Variants in ZNF101 observed in about 807,000 individuals in gnomAD.
The protein encoded by ZNF101 is zinc finger protein 101 (Y2).
A neutral mutation model predicts 42.6 loss-of-function variants in ZNF101; 34 were observed. The ratio of observed to expected loss-of-function variants is 0.80; its 90% CI spans 0.61 to 1.06. The LOEUF is 1.06. Ranked by LOEUF, ZNF101 falls within the 50% of genes least tolerant of loss-of-function variation. The pLI, the probability that ZNF101 is intolerant of heterozygous loss-of-function variation, is 0.00. For synonymous variants in ZNF101, 158 were observed against 183.9 expected (o/e 0.86, Z 1.14); for missense variants, 466 against 530.9 (o/e 0.88, Z 1.20).
intron 1 of ZNF101, among the ~76,000 whole-genome samples, chr19:19,670,848 G>A (rs551568550): frequency 2.2e-4 from 34 of 152,232 alleles, no homozygotes; most frequent in Middle Eastern, 3.4e-3. Context: ...GCTCACGCCT[G>A]TAATCCCAAC....
intron 1 of ZNF101, among the ~76,000 whole-genome samples, chr19:19,673,554 T>C (rs1289652348): frequency 6.6e-6 from 1 of 151,988 alleles, no homozygotes; most frequent in African/African-American, 2.4e-5. Context: ...GGCCAAATAA[T>C]GTAAAGTCTT....
At chr19:19,676,697 G>A (rs1283857833) in intron 1 of ZNF101, 4 of 151,210 alleles carry the variant, frequency 2.6e-5, no homozygotes, top group Admixed American at 1.3e-4. Context: ...GCAGTGGCAT[G>A]ATCTCAGCTG....
At chr19:19,678,878 A>T (rs1599453814) in intron 3 of ZNF101, 92 bp downstream of exon 3, 1 of 1,180,588 alleles carries the variant, frequency 8.5e-7, no homozygotes, top group East Asian at 2.5e-5. Context: ...AAATAAGTAC[A>T]ATGTTAGGTT....
intron 1 of ZNF101, chr19:19,672,098 ATGTATGATTATATATATATTTATAAGT>A (rs2062174198): frequency 6.8e-6 from 1 of 147,814 alleles, no homozygotes; most frequent in African/African-American, 2.5e-5. Flanking sequence ...TATAAATTAT[ATGTATGATTATATATATATTTATAAGT>A]TGTATGATTA....
rs754107604 is a variant in ZNF101, at chr19:19,679,178, T to C, written c.192-3T>C. On this transcript the variant is annotated splice_region_variant and splice_polypyrimidine_tract_variant and intron_variant, in intron 3 of 3. Coordinates refer to ENST00000592502, the MANE Select transcript of ZNF101 (RefSeq NM_033204.4). ...TTGATAATGCGTTTGTCATTTTTCA[T>C]AGAAGTCTGGTGGAGAGACTCTGTG... 6 of 1,608,686 alleles carry C rather than the reference T, an allele frequency of 3.7e-6. No homozygotes were observed. In the South Asian group the frequency reaches 5.5e-5, roughly 15 times the overall value.
chr19:19,670,979 G>T (rs1030769577), intron 1 of ZNF101, among the ~76,000 whole-genome samples: 1 of 152,192 alleles, frequency 6.6e-6, no homozygotes, highest in Non-Finnish European at 1.5e-5. Flanking sequence ...GGTGGCGAGC[G>T]CCTGTAGTCC....
chr19:19,672,571 G>T (rs1482630242), intron 1 of ZNF101, among the ~76,000 whole-genome samples: 1 of 151,858 alleles, frequency 6.6e-6, no homozygotes, highest in Admixed American at 6.6e-5. Context: ...TGTTGCCCAG[G>T]CTGGAGTGCG....
At chr19:19,677,730 T>TAAGAG in intron 1 of ZNF101, 134 bp from the exon 2 acceptor site, 8 of 1,340,684 alleles carry the variant, frequency 6.0e-6, no homozygotes, top group Non-Finnish European at 8.0e-6. Context: ...TGCGTGTAGA[T>TAAGAG]AGGAGGAGGC....
chr19:19,678,725 G>A lies in ZNF101; in HGVS notation c.131-1G>A. On this transcript the variant is annotated splice_acceptor_variant, in intron 2 of 3. Transcript: ENST00000592502. LOFTEE classifies it high-confidence loss of function. ...ATAATTTCTCTGGGTCTACATTTTA[G>A]GAATCCAATGGAAAGACCAGGACAT... The A allele has an allele frequency of 1.2e-6, 2 of 1,600,782 alleles. No individual in the cohort carries two copies. Among genetic ancestry groups the A allele is most frequent in the South Asian group, 2.3e-5 (2 of 88,086 alleles).
chr19:19,668,838 C>G (rs966123142), upstream of ZNF101: 5 of 1,258,438 alleles, frequency 4.0e-6, no homozygotes, highest in Non-Finnish European at 3.2e-6. Context: ...GCCGGCCCCC[C>G]ATTCGGGTCC....
At chr19:19,675,452 A>G (rs923000765) in intron 1 of ZNF101, among the ~76,000 whole-genome samples, 2 of 151,600 alleles carry the variant, frequency 1.3e-5, no homozygotes, top group East Asian at 3.9e-4. Context: ...TTTTTTTATT[A>G]CTATGCCAAT....
chr19:19,669,112 G>C, intron 1 of ZNF101, 146 bp downstream of exon 1: 2 of 1,213,206 alleles, frequency 1.6e-6, no homozygotes, highest in Non-Finnish European at 1.1e-6. Context: ...CCCCTCGGTC[G>C]CCGGGTGGAG....
intron 2 of ZNF101, 144 bp downstream of exon 2, chr19:19,678,134 G>A (rs1197954560): frequency 4.1e-6 from 5 of 1,224,608 alleles, no homozygotes; most frequent in Non-Finnish European, 5.5e-6. Flanking sequence ...GCTTACCCTT[G>A]TAATCCTAGT....
intron 1 of ZNF101, among the ~76,000 whole-genome samples, chr19:19,669,180 C>T (rs1040170951): frequency 6.6e-6 from 1 of 152,228 alleles, no homozygotes; most frequent in Non-Finnish European, 1.5e-5. Flanking sequence ...CCTCTCAGGG[C>T]AGCTCCGCGC....
chr19:19,673,586 T>C (rs1256772248), intron 1 of ZNF101, among the ~76,000 whole-genome samples: 20 of 151,944 alleles, frequency 1.3e-4, no homozygotes, highest in Non-Finnish European at 1.3e-4. Context: ...ACACAAGATA[T>C]TTTTCAATTT....
chr19:19,669,385 TC>T (rs1419571251), intron 1 of ZNF101, among the ~76,000 whole-genome samples: 1 of 152,148 alleles, frequency 6.6e-6, no homozygotes, highest in African/African-American at 2.4e-5. Context: ...CACGACCCCG[TC>T]CCCCAGCTTC....
rs2145059509 is a variant in ZNF101 at position 19,679,579 on chromosome 19, A to G, written c.590A>G (p.Tyr197Cys). The G allele has an allele frequency of 6.2e-7, 1 of 1,614,124 alleles. No homozygotes were observed. The highest frequency in any genetic ancestry group is 8.5e-7 in the Non-Finnish European group (1 of 1,180,026). ...AGAACTCACACTGGAAAGAGGTCCTATAAATGTAGGGAAATAGTGAGAGCC... is the reference window on the plus strand; with the variant it reads ...AGAACTCACACTGGAAAGAGGTCCTGTAAATGTAGGGAAATAGTGAGAGCC... ...HQRTHTGKRS[Y>C]KCREIVRAFT... Residue 197 changes from tyrosine (Y) to cysteine (C), a missense_variant, in exon 4 of 4, where the codon TAT (tyrosine) becomes TGT (cysteine). By Grantham distance (194) the Tyr-to-Cys change is radical. Transcript: ENST00000592502.
upstream of ZNF101, chr19:19,668,810 G>A (rs1032814202): frequency 1.0e-6 from 1 of 959,456 alleles, no homozygotes; most frequent in African/African-American, 1.7e-5. Flanking sequence ...TCCAAAGCCC[G>A]AAGCGGTCTC....
chr19:19,678,080 A>G (rs2062213762), intron 2 of ZNF101, 90 bp downstream of exon 2: 4 of 1,554,218 alleles, frequency 2.6e-6, no homozygotes, highest in Non-Finnish European at 2.6e-6. Flanking sequence ...GTGGAAAGAG[A>G]ATACGTTGGT....
Sources: gnomAD v4.1 joint callset for allele counts (sites outside exome capture counted in the v4.1 genomes callset) on GRCh38, gnomAD v4.1.1 for gene constraint, MANE v1.5 for transcripts, NCBI Gene and HGNC (gene_info 2026-07-23, HGNC 2026-07-21) for gene names.